Variants in CEP89 observed in about 807,000 individuals in gnomAD.
The protein encoded by CEP89 is centrosomal protein 89, also known as centrosomal protein of 89 kDa.
CEP89 carries 95 observed loss-of-function variants against 97.6 expected under a neutral mutation model. The ratio of observed to expected loss-of-function variants is 0.97; its 90% confidence interval spans 0.82 to 1.15. CEP89 has a LOEUF of 1.15. CEP89 is among the 50% of genes most tolerant of loss of function. The probability of loss-of-function intolerance (pLI) is 0.00; values close to 1 mark genes in which losing one functional copy is unlikely to be tolerated. For synonymous variants in CEP89, 354 were observed against 349.1 expected (o/e 1.01, Z -0.16); for missense variants, 869 against 947.7 (o/e 0.92, Z 1.09).
chr19:32,937,518 T>C, intron 7 of CEP89, 113 bp downstream of exon 7: 1 of 909,782 alleles, frequency 1.1e-6, no homozygotes, highest in South Asian at 1.4e-5. Context: ...AGGGTGAAAG[T>C]TCAACAACTA....
intron 14 of CEP89, among the ~76,000 whole-genome samples, chr19:32,913,301 ATATATTT>A (rs1310847372): frequency 6.1e-5 from 1 of 16,450 alleles, no homozygotes; most frequent in African/African-American, 3.0e-4. Context: ...ATATATATAT[ATATATTT>A]TTTTGTTGTT....
At position 32,887,124 on chromosome 19, in the gene CEP89, G is replaced by C. The variant is rs1184851573; in HGVS notation, c.1965+628C>G. Among the ~76,000 whole-genome samples the C allele has an allele frequency of 2.0e-5, 3 of 151,738 alleles. No individual in the cohort carries two copies. The East Asian group carries it at 5.9e-4, about 30-fold the overall frequency. ...GAGGATCCACTGAGCCCGGGAGTTC[G>C]AGGCTGCAGTGAGCCATTGTCATGT... is the stretch of plus-strand genomic sequence containing the variant. On this transcript the variant is annotated intron_variant, in intron 17 of 18. Coordinates refer to ENST00000305768, the MANE Select transcript of CEP89 (RefSeq NM_032816.5).
At chr19:32,906,761 A>G (rs1165133435) in intron 14 of CEP89, among the ~76,000 whole-genome samples, 6 of 149,448 alleles carry the variant, frequency 4.0e-5, no homozygotes. Context: ...ATATATATAC[A>G]TACATATAAT....
chr19:32,919,983 G>A (rs1037912973), intron 12 of CEP89, among the ~76,000 whole-genome samples: 2 of 151,990 alleles, frequency 1.3e-5, no homozygotes, highest in African/African-American at 4.8e-5. Context: ...TTCTTTATTT[G>A]TTCATTCATT....
Position 32,966,435 on chromosome 19 carries a change from G to C in CEP89, c.71C>G (p.Ala24Gly), listed in dbSNP as rs1161707994. The C allele has an allele frequency of 6.4e-7, 1 of 1,561,870 alleles. No individual in the cohort carries two copies. The change falls in exon 2 of 19, where the codon GCC becomes GGC. Residue 24 changes from alanine to glycine, a missense_variant. By Grantham distance (60) the Ala-to-Gly change is moderately conservative. Transcript: ENST00000305768. ...KHIIHGLLPA[A>G]SVAPKAAVPR... ...CACAGCTGCCTTCGGAGCAACGCTGGCTGCAGGTAAAAGGCCATGGATGAT... is the reference window on the plus strand; with the variant it reads ...CACAGCTGCCTTCGGAGCAACGCTGCCTGCAGGTAAAAGGCCATGGATGAT...
At chr19:32,956,243 A>G (rs910730669) in intron 3 of CEP89, among the ~76,000 whole-genome samples, 8 of 151,330 alleles carry the variant, frequency 5.3e-5, no homozygotes, top group African/African-American at 1.9e-4. Context: ...TTTAGTAAAG[A>G]CAGGGTTTCA....
intron 12 of CEP89, among the ~76,000 whole-genome samples, chr19:32,919,495 A>G (rs974566582): frequency 6.6e-6 from 1 of 152,312 alleles, no homozygotes; most frequent in South Asian, 2.1e-4. Context: ...TGTGGCCCCA[A>G]CAGTGGTGTG....
chr19:32,918,395 A>T, intron 12 of CEP89, 56 bp from the exon 13 acceptor site: 6 of 1,261,942 alleles, frequency 4.8e-6, no homozygotes, highest in Non-Finnish European at 7.0e-6. Context: ...TGGTTACAGA[A>T]ACACTCTGGA....
chr19:32,901,535 A>G, intron 14 of CEP89, 123 bp from the exon 15 acceptor site: 5 of 959,546 alleles, frequency 5.2e-6, no homozygotes, highest in Non-Finnish European at 7.9e-6. Flanking sequence ...GTCACTTGGA[A>G]TGCCTCTGTG....
intron 17 of CEP89, among the ~76,000 whole-genome samples, chr19:32,884,319 T>G (rs928921243): frequency 2.0e-5 from 3 of 152,198 alleles, no homozygotes; most frequent in African/African-American, 7.2e-5. Flanking sequence ...AAATCCTTCA[T>G]GAATACTTTG....
intron 3 of CEP89, among the ~76,000 whole-genome samples, chr19:32,956,788 T>C (rs1006520448): frequency 1.3e-5 from 2 of 152,232 alleles, no homozygotes; most frequent in East Asian, 1.9e-4. Context: ...TTCTTAAACA[T>C]AAAAGCGATT....
intron 1 of CEP89, chr19:32,969,218 G>A (rs1023027158): frequency 6.6e-6 from 1 of 152,392 alleles, no homozygotes; most frequent in Admixed American, 6.5e-5. Flanking sequence ...GCTCTCTGCA[G>A]CTGGTCATCC....
chr19:32,910,265 C>CAGAGAGAGAGAG (rs71336978), intron 14 of CEP89, among the ~76,000 whole-genome samples: 1 of 140,684 alleles, frequency 7.1e-6, no homozygotes, highest in East Asian at 2.1e-4. Flanking sequence ...GACTCTGCCT[C>CAGAGAGAGAGAG]AGAGAGAGAG....
At chr19:32,952,370 A>G (rs1337320998) in intron 4 of CEP89, among the ~76,000 whole-genome samples, 2 of 150,956 alleles carry the variant, frequency 1.3e-5, no homozygotes, top group Non-Finnish European at 2.9e-5. Flanking sequence ...AGCCCCAGCT[A>G]CTCGGGAGGC....
intron 4 of CEP89, among the ~76,000 whole-genome samples, chr19:32,951,147 A>G (rs1970903501): frequency 6.6e-6 from 1 of 152,184 alleles, no homozygotes; most frequent in Non-Finnish European, 1.5e-5. Flanking sequence ...ATATCAATAA[A>G]TAAGTCTACT....
chr19:32,908,872 G>C (rs1969943641), intron 14 of CEP89, among the ~76,000 whole-genome samples: 1 of 152,236 alleles, frequency 6.6e-6, no homozygotes, highest in African/African-American at 2.4e-5. Context: ...TTTTTGTGTA[G>C]GGATAAAAGG....
At position 32,913,764 on chromosome 19, in the gene CEP89, G is replaced by A. The variant is rs150132476; in HGVS notation, c.1565+1573C>T. On this transcript the variant is annotated intron_variant, in intron 14 of 18. Transcript: ENST00000305768. ...AGCAATTCTCCTGCCTCAGCCTCCC[G>A]AGTAGCTGGGATTACAGGTGCCTGC... 2.2e-4 allele frequency among the ~76,000 whole-genome samples: 33 copies of A among 151,016 alleles called. No homozygotes were observed. In the East Asian group the frequency reaches 4.9e-3, roughly 22 times the overall value.
intron 4 of CEP89, among the ~76,000 whole-genome samples, chr19:32,953,058 G>A (rs1217510616): frequency 2.6e-5 from 4 of 151,676 alleles, no homozygotes; most frequent in South Asian, 4.2e-4. Flanking sequence ...ATCGGGATTC[G>A]CAGAGCAGCT....
At chr19:32,887,456 C>T (rs1018326759) in intron 17 of CEP89, among the ~76,000 whole-genome samples, 1 of 152,006 alleles carries the variant, frequency 6.6e-6, no homozygotes, top group Non-Finnish European at 1.5e-5. Flanking sequence ...CGACCTCAAG[C>T]GATCCTCCTG....
Sources: allele counts gnomAD v4.1 joint callset (sites outside exome capture counted in the v4.1 genomes callset), GRCh38; gene constraint gnomAD v4.1.1; transcripts MANE v1.5; gene names NCBI Gene and HGNC (gene_info 2026-07-23, HGNC 2026-07-21).